Variants in PNLIP observed in about 807,000 individuals in gnomAD.
PNLIP encodes pancreatic triacylglycerol lipase.
In PNLIP, 49 loss-of-function variants were observed where a neutral mutation model predicts 57.1. That is an observed-to-expected ratio of 0.86 (90% CI 0.68 to 1.09). The LOEUF is 1.09. Ranked by LOEUF, PNLIP falls within the 50% of genes least tolerant of loss-of-function variation. PNLIP has a pLI of 0.00. For synonymous variants in PNLIP, 209 were observed against 200.4 expected (o/e 1.04, Z -0.36); for missense variants, 503 against 570.2 (o/e 0.88, Z 1.20).
chr10:116,566,795 A>T (rs1166169105), intron 12 of PNLIP, among the ~76,000 whole-genome samples: 3 of 152,156 alleles, frequency 2.0e-5, no homozygotes, highest in African/African-American at 7.2e-5. Context: ...TAACAGTTTT[A>T]ACCTTTAATT....
intron 12 of PNLIP, among the ~76,000 whole-genome samples, chr10:116,566,132 C>A (rs1847365194): frequency 6.6e-6 from 1 of 152,046 alleles, no homozygotes; most frequent in South Asian, 2.1e-4. Flanking sequence ...ATTGTAACAG[C>A]CAAGAAGTAG....
chr10:116,560,449 GA>G lies in PNLIP; in HGVS notation c.1100del (p.Lys367ArgfsTer7). The G allele has an allele frequency of 3.1e-6, 5 of 1,605,492 alleles. No individual in the cohort carries two copies. Among genetic ancestry groups the G allele is most frequent in the South Asian group, 2.2e-5 (2 of 89,924 alleles). On this transcript the variant is annotated frameshift_variant, in exon 11 of 13. Transcript: ENST00000369221. LOFTEE classifies it high-confidence loss of function. The part of the protein sequence containing the change: ...WRYKVSVTLS[G>X]KKVTGHILVS... ...TATAAGGTATCTGTCACACTGTCTG[GA>G]AAAAAGGTTACAGGACACATACTAG... is the stretch of plus-strand genomic sequence containing the variant.
At chr10:116,566,788 C>T (rs1847371827) in intron 12 of PNLIP, among the ~76,000 whole-genome samples, 1 of 152,092 alleles carries the variant, frequency 6.6e-6, no homozygotes, top group African/African-American at 2.4e-5. Flanking sequence ...TGATTGATAA[C>T]AGTTTTAACC....
intron 4 of PNLIP, 97 bp from the exon 5 acceptor site, chr10:116,551,001 G>C (rs1847184479): frequency 5.1e-6 from 5 of 985,948 alleles, no homozygotes; most frequent in Non-Finnish European, 7.2e-6. Flanking sequence ...ACATTGTGTG[G>C]GTCAAGGAGG....
At chr10:116,564,276 C>A (rs1214385010) in intron 12 of PNLIP, among the ~76,000 whole-genome samples, 1 of 151,846 alleles carries the variant, frequency 6.6e-6, no homozygotes, top group Admixed American at 6.6e-5. Flanking sequence ...ATTATAAAGA[C>A]AAAATATTGA....
chr10:116,552,532 A>T lies in PNLIP; in HGVS notation c.460-1195A>T, dbSNP rs190637526. On this transcript the variant is annotated intron_variant, in intron 5 of 12. Coordinates refer to ENST00000369221, the MANE Select transcript of PNLIP (RefSeq NM_000936.4). ...AGATATAAAGAAGTAAAATAATTTG[A>T]TACAGGGATACAGAGTGTTTTAAGC... Among the ~76,000 whole-genome samples the T allele has an allele frequency of 4.4e-3, 665 of 152,344 alleles. 2 individuals carry two copies. The highest frequency in any genetic ancestry group is 7.9e-3 in the Non-Finnish European group (535 of 68,032).
chr10:116,563,381 T>A (rs1413706435), intron 12 of PNLIP, among the ~76,000 whole-genome samples: 1 of 152,160 alleles, frequency 6.6e-6, no homozygotes, highest in East Asian at 1.9e-4. Flanking sequence ...TTGGATTTTT[T>A]ATTTATTTTT....
At chr10:116,555,051 T>A in intron 6 of PNLIP, 127 bp from the exon 7 acceptor site, 1 of 1,043,320 alleles carries the variant, frequency 9.6e-7, no homozygotes, top group South Asian at 1.5e-5. Flanking sequence ...TAGAAGTAGA[T>A]TCCTCTTCAG....
intron 4 of PNLIP, 127 bp from the exon 5 acceptor site, chr10:116,550,971 A>G (rs569028028): frequency 1.2e-5 from 8 of 692,774 alleles, no homozygotes; most frequent in African/African-American, 1.8e-5. Flanking sequence ...AGTTTTGTCA[A>G]TTGCATTAGG....
chr10:116,559,127 C>T lies in PNLIP; in HGVS notation c.931-27C>T, dbSNP rs367920447. 20 of 1,599,360 alleles carry T rather than the reference C, an allele frequency of 1.3e-5. No homozygotes were observed. In the African/African-American group the frequency reaches 2.6e-4, roughly 20 times the overall value. ...ACACAACTAAAAGATAGGGCATCCT[C>T]ATTCATCATTTGTTTGTTTTCACTA... On this transcript the variant is annotated intron_variant, in intron 9 of 12. Coordinates refer to ENST00000369221, the MANE Select transcript of PNLIP (RefSeq NM_000936.4).
intron 2 of PNLIP, among the ~76,000 whole-genome samples, chr10:116,546,450 G>C (rs1422292637): frequency 6.6e-6 from 1 of 152,086 alleles, no homozygotes; most frequent in Non-Finnish European, 1.5e-5. Context: ...GCTAAATCTA[G>C]CAACCCTGAC....
chr10:116,567,683 C>G, intron 12 of PNLIP, 52 bp from the exon 13 acceptor site: 1 of 1,457,906 alleles, frequency 6.9e-7, no homozygotes, highest in African/African-American at 1.4e-5. Context: ...CTGTCACACT[C>G]CAGATATGTG....
At chr10:116,550,584 G>C (rs1475562143) in intron 4 of PNLIP, among the ~76,000 whole-genome samples, 1 of 152,054 alleles carries the variant, frequency 6.6e-6, no homozygotes, top group African/African-American at 2.4e-5. Flanking sequence ...TTTCTATTGT[G>C]GAAAAACTTA....
At chr10:116,567,711 C>T (rs1269148413) in intron 12 of PNLIP, 24 bp from the exon 13 acceptor site, 1 of 1,605,360 alleles carries the variant, frequency 6.2e-7, no homozygotes, top group Non-Finnish European at 8.5e-7. Flanking sequence ...GAGGAGGTGA[C>T]TTTGTGTTGT....
chr10:116,552,826 C>T (rs1847209125), intron 5 of PNLIP, among the ~76,000 whole-genome samples: 1 of 152,012 alleles, frequency 6.6e-6, no homozygotes, highest in Non-Finnish European at 1.5e-5. Context: ...GTGGAGCTTG[C>T]AGTGAGCTGA....
At chr10:116,553,380 C>T (rs1447307674) in intron 5 of PNLIP, among the ~76,000 whole-genome samples, 1 of 152,210 alleles carries the variant, frequency 6.6e-6, no homozygotes, top group East Asian at 1.9e-4. Flanking sequence ...GCTGGGATTA[C>T]AGGTGTGCGC....
At chr10:116,558,085 A>T (rs1004142514) in intron 9 of PNLIP, among the ~76,000 whole-genome samples, 35 of 152,084 alleles carry the variant, frequency 2.3e-4, no homozygotes, top group African/African-American at 7.2e-4. Flanking sequence ...ACCTTTAAAA[A>T]AAAAAAAGAA....
At chr10:116,546,179 T>C in intron 2 of PNLIP, 41 bp downstream of exon 2, 1 of 1,565,656 alleles carries the variant, frequency 6.4e-7, no homozygotes, top group Non-Finnish European at 8.8e-7. Context: ...GAGATTCACT[T>C]TTCAACACGG....
Position 116,555,279 on chromosome 10 carries a change from C to T in PNLIP, c.673C>T (p.Pro225Ser), listed in dbSNP as rs1399292461. Residue 225 changes from proline to serine, a missense_variant, in exon 7 of 13, where the codon CCC becomes TCC. Pro to Ser is a moderately conservative substitution (Grantham distance 74). Coordinates refer to ENST00000369221, the MANE Select transcript of PNLIP (RefSeq NM_000936.4). ...FVDVIHTDGA[P>S]IVPNLGFGMS... is the part of the protein sequence containing the mutation. ...GGATGTAATTCACACGGATGGTGCC[C>T]CCATAGTCCCCAATTTGGGTGAGTT... 1 of 1,614,122 alleles carries T rather than the reference C, an allele frequency of 6.2e-7. No homozygotes were observed. Among genetic ancestry groups the T allele is most frequent in the Non-Finnish European group, 8.5e-7 (1 of 1,180,006 alleles).
Sources: gnomAD v4.1 joint callset for allele counts (sites outside exome capture counted in the v4.1 genomes callset) on GRCh38, gnomAD v4.1.1 for gene constraint, MANE v1.5 for transcripts, NCBI Gene and HGNC (gene_info 2026-07-23, HGNC 2026-07-21) for gene names.